The following TLE5 variants were observed in gnomAD, a reference collection of about 807,000 sequenced individuals.
TLE5 encodes the protein TLE family member 5.
Under a neutral mutation model 25.8 loss-of-function variants are expected in TLE5, and 7 were observed. The observed-to-expected ratio is 0.27, with a 90% CI of 0.15 to 0.51. The LOEUF (loss-of-function observed/expected upper bound fraction) is 0.51, where lower values mean the gene tolerates loss of function less well. Among genes scored for constraint, TLE5 ranks in the 20% least tolerant of loss-of-function variants. TLE5 has a pLI of 0.97. For missense variants in TLE5, 149 were observed against 250.7 expected (o/e 0.59, Z 2.74); for synonymous variants, 132 against 110.5 (o/e 1.20, Z -1.22).
Position 3,057,674 on chromosome 19 carries a change from G to A in TLE5, c.189+5C>T, listed in dbSNP as rs370175011. On this transcript the variant is annotated splice_donor_5th_base_variant and intron_variant, in intron 3 of 6. Coordinates refer to ENST00000327141, the MANE Select transcript of TLE5 (RefSeq NM_001130.6). ...ACACTGGACCTGGGGGCGGAGTGAC[G>A]TTACCATCACATAGTGACGCTGCAT... 89 of 1,613,218 alleles carry A rather than the reference G, an allele frequency of 5.5e-5. No homozygotes were observed. Among genetic ancestry groups the A allele is most frequent in the Admixed American group, 2.0e-4 (12 of 59,994 alleles).
chr19:3,062,772 C>T, upstream of TLE5: 2 of 1,548,398 alleles, frequency 1.3e-6, no homozygotes, highest in African/African-American at 1.4e-5. Context: ...TCGAAGCCGC[C>T]GGCCCTGCTG....
At chr19:3,059,755 C>T (rs753715403) in intron 2 of TLE5, among the ~76,000 whole-genome samples, 17 of 152,126 alleles carry the variant, frequency 1.1e-4, no homozygotes, top group Non-Finnish European at 2.1e-4. Context: ...GCACTGTGAC[C>T]GCCATCTGAT....
intron 6 of TLE5, 29 bp downstream of exon 6, chr19:3,054,091 C>CGG: frequency 2.1e-6 from 2 of 937,664 alleles, no homozygotes; most frequent in Non-Finnish European, 3.1e-6. Context: ...ACCTGTCCCC[C>CGG]GCCCACCCGC....
chr19:3,062,748 C>T (rs1159189132), upstream of TLE5: 2 of 1,545,588 alleles, frequency 1.3e-6, no homozygotes, highest in Non-Finnish European at 1.7e-6. Flanking sequence ...AGAAAAGGGA[C>T]CCGGCTGCCC....
Position 3,053,768 on chromosome 19 carries a change from CCT to C in TLE5, c.*49_*50del, listed in dbSNP as rs771476182. ...TGCTAAACATTCCTTTCTCTCCGTGCCTCTGTCTCCCCTCTGTCCCCCCTCCC... is the reference window on the plus strand; with the variant it reads ...TGCTAAACATTCCTTTCTCTCCGTGCCTGTCTCCCCTCTGTCCCCCCTCCC... On this transcript the variant is annotated 3_prime_UTR_variant, in exon 7 of 7. Coordinates refer to ENST00000327141, the MANE Select transcript of TLE5 (RefSeq NM_001130.6). 16 of 1,561,896 alleles carry C rather than the reference CCT, an allele frequency of 1.0e-5. No homozygotes were observed. Among genetic ancestry groups the C allele is most frequent in the East Asian group, 6.7e-5 (3 of 44,468 alleles).
At chr19:3,054,086 T>TCGGGGGGCCC in intron 6 of TLE5, 34 bp downstream of exon 6, 4 of 1,512,766 alleles carry the variant, frequency 2.6e-6, no homozygotes, top group Non-Finnish European at 3.6e-6. Context: ...GGCCCACCTG[T>TCGGGGGGCCC]CCCCCGCCCA....
At chr19:3,054,086 T>TCGGGGGGGGGGGGGGCCC in intron 6 of TLE5, 34 bp downstream of exon 6, 2 of 1,512,804 alleles carry the variant, frequency 1.3e-6, no homozygotes, top group Non-Finnish European at 1.8e-6. Context: ...GGCCCACCTG[T>TCGGGGGGGGGGGGGGCCC]CCCCCGCCCA....
At chr19:3,060,384 G>C (rs1041732767) in intron 2 of TLE5, among the ~76,000 whole-genome samples, 3 of 135,650 alleles carry the variant, frequency 2.2e-5, no homozygotes, top group African/African-American at 8.5e-5. Context: ...CCAGGCTGGA[G>C]AGCAGTGGCT....
At chr19:3,061,100 C>T in intron 2 of TLE5, 60 bp downstream of exon 2, 1 of 1,320,620 alleles carries the variant, frequency 7.6e-7, no homozygotes, top group Non-Finnish European at 1.1e-6. Flanking sequence ...GCCATCTGCG[C>T]AGAAGAAATG....
chr19:3,057,458 A>C, intron 3 of TLE5: 1 of 559,166 alleles, frequency 1.8e-6, no homozygotes, highest in Admixed American at 3.1e-5. Flanking sequence ...GCCGGTCTGC[A>C]ACCCGGCGGT....
At chr19:3,057,855 A>G (rs1364422169) in intron 2 of TLE5, 113 bp from the exon 3 acceptor site, 2 of 938,302 alleles carry the variant, frequency 2.1e-6, no homozygotes, top group Admixed American at 2.1e-5. Context: ...TAAGGGCAAG[A>G]TCAGCCAATT....
upstream of TLE5, chr19:3,062,700 C>T: frequency 6.6e-7 from 1 of 1,507,120 alleles, no homozygotes; most frequent in Non-Finnish European, 8.8e-7. Context: ...CCTCTCCTAC[C>T]CGGCAGCCGG....
At chr19:3,062,041 C>T (rs1207978468) in intron 1 of TLE5, 133 bp downstream of exon 1, 3 of 114,496 alleles carry the variant, frequency 2.6e-5, no homozygotes, top group African/African-American at 7.7e-5. Context: ...AAGACAGGGC[C>T]GGGGAGTTGG....
chr19:3,056,213 C>CTGACCTGATTCCA, intron 4 of TLE5, 99 bp downstream of exon 4: 1 of 841,624 alleles, frequency 1.2e-6, no homozygotes, highest in Non-Finnish European at 1.8e-6. Flanking sequence ...CAGCCGAGGG[C>CTGACCTGATTCCA]CGGCCGCTAC....
At chr19:3,056,287 G>T in intron 4 of TLE5, 25 bp downstream of exon 4, 2 of 1,469,296 alleles carry the variant, frequency 1.4e-6, no homozygotes, top group Non-Finnish European at 1.8e-6. Flanking sequence ...GGAGGAGGAG[G>T]AGGAGGAGGA....
At position 3,056,264 on chromosome 19, in the gene TLE5, G is replaced by C. The variant is rs1413049396; in HGVS notation, c.234+48C>G. On this transcript the variant is annotated intron_variant, in intron 4 of 6. Transcript: ENST00000327141. ...CAAGGCGGGGCTGGAGGTGGGGGGA[G>C]GAGGGGGAAGGAGGAGGAGGAGGAG... 5 of 1,347,634 alleles carry C rather than the reference G, an allele frequency of 3.7e-6. No homozygotes were observed. In the Admixed American group the frequency reaches 6.7e-5, roughly 18 times the overall value. The allele number at this position is 1,347,634 out of a possible 1,614,324, so 83.5% of individuals were successfully genotyped here. A position where few individuals can be genotyped will look rare whatever the true frequency, so the allele number is the denominator to read the frequency against.
At chr19:3,057,650 C>A in intron 3 of TLE5, 29 bp downstream of exon 3, 1 of 1,608,600 alleles carries the variant, frequency 6.2e-7, no homozygotes, top group Non-Finnish European at 8.5e-7. Flanking sequence ...CCGCCCCCAA[C>A]ACTGGACCTG....
intron 3 of TLE5, among the ~76,000 whole-genome samples, chr19:3,057,201 G>A (rs1425441727): frequency 2.6e-5 from 4 of 152,208 alleles, no homozygotes; most frequent in Non-Finnish European, 4.4e-5. Flanking sequence ...CGAGCAAGTG[G>A]TTCTGGCAGC....
intron 4 of TLE5, chr19:3,056,043 G>T (rs3930008): frequency 5.8e-6 from 3 of 517,428 alleles, no homozygotes; most frequent in Non-Finnish European, 1.0e-5. Flanking sequence ...AATGTAGGGA[G>T]GGCTGGGGGC....
Sources: allele counts gnomAD v4.1 joint callset (sites outside exome capture counted in the v4.1 genomes callset), GRCh38; gene constraint gnomAD v4.1.1; transcripts MANE v1.5; gene names NCBI Gene and HGNC (gene_info 2026-07-23, HGNC 2026-07-21).